TMEM108: variants seen among roughly 807,000 people sequenced by gnomAD.
TMEM108 encodes the protein transmembrane protein 108, also known as cancer/testis antigen 124.
TMEM108 carries 12 observed loss-of-function variants against 35.1 expected under a neutral mutation model. The observed-to-expected ratio is 0.34, with a 90% confidence interval of 0.22 to 0.55. TMEM108 has a LOEUF of 0.55. TMEM108 is among the 20% of genes least tolerant of loss of function. The pLI is 0.89. For missense variants in TMEM108, 680 were observed against 753.3 expected, an observed-to-expected ratio of 0.90 and a Z score of 1.14; for synonymous variants, 287 against 308.6, an observed-to-expected ratio of 0.93 and a Z score of 0.73.
At chr3:133,217,693 C>A (rs1054619322) in intron 2 of TMEM108, among the ~76,000 whole-genome samples, 5 of 151,896 alleles carry the variant, frequency 3.3e-5, no homozygotes, top group Non-Finnish European at 7.4e-5. Flanking sequence ...TTGTCCTTTC[C>A]CTGTTAATGT....
chr3:133,116,856 A>G (rs1576326906), intron 2 of TMEM108, among the ~76,000 whole-genome samples: 1 of 152,016 alleles, frequency 6.6e-6, no homozygotes, highest in African/African-American at 2.4e-5. Context: ...GCTCACTGCA[A>G]CCTCCTGGGT....
At chr3:133,208,402 G>A (rs1216416931) in intron 2 of TMEM108, among the ~76,000 whole-genome samples, 1 of 152,222 alleles carries the variant, frequency 6.6e-6, no homozygotes, top group Non-Finnish European at 1.5e-5. Context: ...CTATCCAGGT[G>A]TAAACTTGGG....
intron 2 of TMEM108, among the ~76,000 whole-genome samples, chr3:133,052,543 A>G (rs1228183395): frequency 6.8e-6 from 1 of 146,630 alleles, no homozygotes; most frequent in Non-Finnish European, 1.5e-5. Context: ...CAATGTTTGA[A>G]AAAAAAAAAA....
rs553641293 is a variant in TMEM108, at chr3:133,372,377, G to T, written c.41-7375G>T. 3.3e-5 allele frequency among the ~76,000 whole-genome samples: 5 copies of T among 152,256 alleles called. No individual in the cohort carries two copies. In the East Asian group the frequency reaches 9.6e-4, roughly 29 times the overall value. ...ACCATATGTGAATGTGGAGATGATG[G>T]GGGACTTGAGCTGAAAATTTGTCAT... On this transcript the variant is annotated intron_variant, in intron 3 of 5. Coordinates refer to ENST00000321871, the MANE Select transcript of TMEM108 (RefSeq NM_023943.4).
chr3:133,246,263 T>A (rs1176161021), intron 3 of TMEM108: 1 of 152,226 alleles, frequency 6.6e-6, no homozygotes, highest in Non-Finnish European at 1.5e-5. Flanking sequence ...ACTATTAGTT[T>A]TGAAGTTCCT....
At chr3:133,106,554 A>G (rs184491954) in intron 2 of TMEM108, among the ~76,000 whole-genome samples, 38 of 152,256 alleles carry the variant, frequency 2.5e-4, no homozygotes, top group Non-Finnish European at 5.0e-4. Flanking sequence ...TTTCCTCCCA[A>G]ACTGAATGGG....
chr3:133,069,853 T>C (rs1187960493), intron 2 of TMEM108, among the ~76,000 whole-genome samples: 1 of 152,206 alleles, frequency 6.6e-6, no homozygotes, highest in Non-Finnish European at 1.5e-5. Flanking sequence ...TTGTTCAGTC[T>C]CCTTGTCTGC....
intron 3 of TMEM108, chr3:133,253,286 C>G (rs768495562): frequency 2.6e-5 from 4 of 152,160 alleles, no homozygotes; most frequent in Non-Finnish European, 4.4e-5. Context: ...AATACTGGCT[C>G]TCCTACCAAC....
chr3:133,364,664 G>T (rs1020529447), intron 3 of TMEM108, among the ~76,000 whole-genome samples: 7 of 152,208 alleles, frequency 4.6e-5, no homozygotes, highest in Admixed American at 1.3e-4. Context: ...TCCTTAAAGG[G>T]ATGTTAAATT....
chr3:133,171,216 C>T (rs1205645463), intron 2 of TMEM108, among the ~76,000 whole-genome samples: 1 of 152,050 alleles, frequency 6.6e-6, no homozygotes, highest in Non-Finnish European at 1.5e-5. Flanking sequence ...GTTAGCAAAG[C>T]TTTAGTATAA....
chr3:133,321,361 T>C (rs537555804), intron 3 of TMEM108, among the ~76,000 whole-genome samples: 3 of 152,106 alleles, frequency 2.0e-5, no homozygotes, highest in African/African-American at 7.2e-5. Flanking sequence ...TGAGCAAGAG[T>C]AGCGATTCTT....
intron 2 of TMEM108, among the ~76,000 whole-genome samples, chr3:133,190,245 A>G (rs1445067454): frequency 6.6e-6 from 1 of 152,244 alleles, no homozygotes; most frequent in Non-Finnish European, 1.5e-5. Flanking sequence ...CATCTGAGCC[A>G]GAGGGCTAAT....
chr3:133,315,523 A>G (rs1036726330), intron 3 of TMEM108, among the ~76,000 whole-genome samples: 5 of 152,216 alleles, frequency 3.3e-5, no homozygotes, highest in African/African-American at 1.2e-4. Flanking sequence ...CTGTGGTATC[A>G]GCCAAACACA....
intron 3 of TMEM108, among the ~76,000 whole-genome samples, chr3:133,281,769 C>T (rs1372732941): frequency 6.6e-6 from 1 of 152,152 alleles, no homozygotes; most frequent in Non-Finnish European, 1.5e-5. Flanking sequence ...TTCTCTACTG[C>T]GTAAGAGGGT....
At chr3:133,258,006 C>T (rs928732534) in intron 3 of TMEM108, among the ~76,000 whole-genome samples, 6 of 152,076 alleles carry the variant, frequency 3.9e-5, no homozygotes, top group African/African-American at 1.4e-4. Flanking sequence ...CCATTTATAA[C>T]CTGCTGTAGA....
intron 2 of TMEM108, among the ~76,000 whole-genome samples, chr3:133,096,437 T>G (rs1576316150): frequency 6.6e-6 from 1 of 152,190 alleles, no homozygotes; most frequent in African/African-American, 2.4e-5. Flanking sequence ...GGATTACAAC[T>G]GTGAGCCATT....
intron 2 of TMEM108, chr3:133,120,977 A>G (rs1033157289): frequency 5.9e-5 from 9 of 152,220 alleles, no homozygotes; most frequent in African/African-American, 1.9e-4. Context: ...TTGGCATCCC[A>G]TATTTGTGAA....
chr3:133,238,610 A>C (rs1946271499), intron 3 of TMEM108, among the ~76,000 whole-genome samples: 1 of 152,140 alleles, frequency 6.6e-6, no homozygotes, highest in Non-Finnish European at 1.5e-5. Context: ...CTCCCACCCT[A>C]GGTGGGCCTC....
intron 2 of TMEM108, among the ~76,000 whole-genome samples, chr3:133,202,854 T>G (rs1374458637): frequency 6.6e-6 from 1 of 152,220 alleles, no homozygotes; most frequent in Non-Finnish European, 1.5e-5. Flanking sequence ...TTGATGGGGA[T>G]ATCATTGAAT....
Sources: gnomAD v4.1 joint callset for allele counts (sites outside exome capture counted in the v4.1 genomes callset) on GRCh38, gnomAD v4.1.1 for gene constraint, MANE v1.5 for transcripts, NCBI Gene and HGNC (gene_info 2026-07-23, HGNC 2026-07-21) for gene names.